The following RANBP2 variants were observed in gnomAD, a reference collection of about 807,000 sequenced individuals.
RANBP2 encodes RAN binding protein 2, also known as E3 SUMO-protein ligase RanBP2.
In RANBP2, 57 loss-of-function variants were observed where a neutral mutation model predicts 303.6. The ratio of observed to expected loss-of-function variants is 0.19; its 90% CI spans 0.15 to 0.23. RANBP2 has a LOEUF of 0.23. Ranked by LOEUF, RANBP2 falls within the 10% of genes least tolerant of loss-of-function variation. The pLI is 1.00. For synonymous variants in RANBP2, 1,167 were observed against 1,301.5 expected, an observed-to-expected ratio of 0.90 and a Z score of 2.23; for missense variants, 3,138 against 3,780.8, an observed-to-expected ratio of 0.83 and a Z score of 4.46.
the RANBP2 span, among the ~76,000 whole-genome samples, chr2:109,370,292 T>C: frequency 2.0e-5 from 3 of 151,676 alleles, no homozygotes; most frequent in Non-Finnish European, 4.4e-5. Context: ...CTGGCTGGAG[T>C]GCAGAGGTAC....
chr2:108,919,001 G>A, the RANBP2 span, among the ~76,000 whole-genome samples: 1 of 152,168 alleles, frequency 6.6e-6, no homozygotes. Context: ...CTGGGAACCT[G>A]CTAGAAATGC....
chr2:109,706,214 G>A, the RANBP2 span, among the ~76,000 whole-genome samples: 437 of 152,328 alleles, frequency 2.9e-3, 7 homozygotes, highest in East Asian at 0.044. Context: ...CTTGTGTGAT[G>A]TAAATTATGC....
chr2:108,739,503 A>G (rs553830049), intron 6 of RANBP2, among the ~76,000 whole-genome samples: 91 of 152,306 alleles, frequency 6.0e-4, no homozygotes, highest in African/African-American at 2.2e-3. Context: ...TTTTAACTTC[A>G]TGGATCCCCT....
At chr2:109,229,826 CTT>C in the RANBP2 span, among the ~76,000 whole-genome samples, 34,006 of 129,628 alleles carry the variant, frequency 0.26, 3,647 homozygotes, top group East Asian at 0.35. Flanking sequence ...CTTTTTCTTT[CTT>C]TTTTTTTTTT....
the RANBP2 span, among the ~76,000 whole-genome samples, chr2:109,526,363 A>C: frequency 6.6e-6 from 1 of 152,118 alleles, no homozygotes; most frequent in South Asian, 2.1e-4. Flanking sequence ...GCTGGAGTGC[A>C]GTGGTCTGAT....
At chr2:109,121,959 T>A in the RANBP2 span, among the ~76,000 whole-genome samples, 1 of 152,184 alleles carries the variant, frequency 6.6e-6, no homozygotes, top group East Asian at 1.9e-4. Context: ...TCAGCAGGTG[T>A]CTACTGAGTA....
chr2:109,084,396 T>G, the RANBP2 span, among the ~76,000 whole-genome samples: 1 of 152,252 alleles, frequency 6.6e-6, no homozygotes, highest in Non-Finnish European at 1.5e-5. Flanking sequence ...CATTGACTGA[T>G]AGCAGCTGTG....
the RANBP2 span, among the ~76,000 whole-genome samples, chr2:108,843,888 T>G: frequency 1.2e-4 from 14 of 113,166 alleles, no homozygotes; most frequent in South Asian, 4.2e-3. Flanking sequence ...GTTTCTTTCT[T>G]TTTTTTTTTT....
the RANBP2 span, among the ~76,000 whole-genome samples, chr2:109,641,133 ATTTG>A: frequency 0.035 from 5,236 of 151,150 alleles, 95 homozygotes; most frequent in South Asian, 0.077. Flanking sequence ...GGTTTTATTT[ATTTG>A]TTTGTTTGTT....
the RANBP2 span, among the ~76,000 whole-genome samples, chr2:109,076,137 T>C: frequency 6.7e-6 from 1 of 150,284 alleles, no homozygotes; most frequent in Non-Finnish European, 1.5e-5. Context: ...TGGTTCAATA[T>C]AGGCAAATAA....
chr2:109,054,652 A>C, the RANBP2 span, among the ~76,000 whole-genome samples: 94 of 150,796 alleles, frequency 6.2e-4, 1 homozygote, highest in African/African-American at 2.1e-3. Flanking sequence ...GTGAGCCAAG[A>C]TCGAACCACT....
At chr2:108,737,345 T>C (rs1272990008) in intron 6 of RANBP2, among the ~76,000 whole-genome samples, 2 of 127,010 alleles carry the variant, frequency 1.6e-5, no homozygotes, top group Non-Finnish European at 3.2e-5. Context: ...CTTTTTTTTT[T>C]TTTTGTTTTT....
At chr2:109,575,272 C>T in the RANBP2 span, among the ~76,000 whole-genome samples, 3 of 152,204 alleles carry the variant, frequency 2.0e-5, no homozygotes, top group Admixed American at 2.0e-4. Flanking sequence ...TATTATTTAA[C>T]TAACTGAGAA....
At chr2:109,176,431 C>G in the RANBP2 span, among the ~76,000 whole-genome samples, 1 of 152,178 alleles carries the variant, frequency 6.6e-6, no homozygotes, top group African/African-American at 2.4e-5. Flanking sequence ...CTCACAATTT[C>G]TTGATCAAAA....
chr2:108,918,109 G>A, the RANBP2 span, among the ~76,000 whole-genome samples: 1 of 152,300 alleles, frequency 6.6e-6, no homozygotes, highest in African/African-American at 2.4e-5. Flanking sequence ...AAAAGAGAGC[G>A]GTCTGGGCTG....
the RANBP2 span, among the ~76,000 whole-genome samples, chr2:108,861,601 C>T: frequency 6.6e-6 from 1 of 151,806 alleles, no homozygotes. Context: ...CTGCCTCAGC[C>T]TCCTGAGTAG....
chr2:109,072,928 C>A, the RANBP2 span, among the ~76,000 whole-genome samples: 1 of 152,018 alleles, frequency 6.6e-6, no homozygotes, highest in African/African-American at 2.4e-5. Flanking sequence ...GAGAGGCACC[C>A]AGACTCTCTG....
At chr2:109,632,726 G>A in the RANBP2 span, among the ~76,000 whole-genome samples, 1 of 152,154 alleles carries the variant, frequency 6.6e-6, no homozygotes, top group Non-Finnish European at 1.5e-5. Flanking sequence ...GGCTGAGGCA[G>A]GAGAATCGCT....
At chr2:109,293,843 G>C in the RANBP2 span, among the ~76,000 whole-genome samples, 1 of 152,328 alleles carries the variant, frequency 6.6e-6, no homozygotes, top group Non-Finnish European at 1.5e-5. Context: ...CCGCAGCCCA[G>C]GTGTCTTGCT....
Sources: allele counts gnomAD v4.1 joint callset (sites outside exome capture counted in the v4.1 genomes callset), GRCh38; gene constraint gnomAD v4.1.1; transcripts MANE v1.5; gene names NCBI Gene and HGNC (gene_info 2026-07-23, HGNC 2026-07-21).